Variants in THUMPD3 observed in about 807,000 individuals in gnomAD.
THUMPD3 encodes the protein THUMP domain 3 tRNA guanosine methyltransferase.
A neutral mutation model predicts 54.5 loss-of-function variants in THUMPD3; 44 were observed. The ratio of observed to expected loss-of-function variants is 0.81; its 90% confidence interval spans 0.63 to 1.04. THUMPD3 has a LOEUF of 1.04. Among genes scored for constraint, THUMPD3 ranks in the 50% least tolerant of loss-of-function variants. THUMPD3 has a pLI of 0.00. For synonymous variants in THUMPD3, 196 were observed against 201.4 expected (o/e 0.97, Z 0.23); for missense variants, 604 against 601.3 (o/e 1.00, Z -0.05).
chr3:9,378,447 A>G lies in THUMPD3; in HGVS notation c.1008+559A>G, dbSNP rs534134179. 3.0e-3 allele frequency among the ~76,000 whole-genome samples: 457 copies of G among 152,356 alleles called. 2 individuals are homozygous for G. Among genetic ancestry groups the G allele is most frequent in the South Asian group, 0.02 (95 of 4,826 alleles). On this transcript the variant is annotated intron_variant, in intron 6 of 9. Transcript: ENST00000452837. ...TGGAAAGGCATTTTCTAAATGGAGA[A>G]TATTTCACAGTAGATTCCCCTTGAA...
chr3:9,372,580 C>CAA (rs35718688), intron 4 of THUMPD3, among the ~76,000 whole-genome samples: 1 of 137,390 alleles, frequency 7.3e-6, no homozygotes, highest in Non-Finnish European at 1.6e-5. Context: ...ACTCCATCTC[C>CAA]AAAAAAAAAA....
intron 7 of THUMPD3, 39 bp from the exon 8 acceptor site, chr3:9,383,160 T>C: frequency 7.0e-7 from 1 of 1,425,478 alleles, no homozygotes. Context: ...AACTTTATGC[T>C]TCACAGTATG....
chr3:9,383,172 T>G (rs546088889), intron 7 of THUMPD3, 27 bp from the exon 8 acceptor site: 2 of 1,532,826 alleles, frequency 1.3e-6, no homozygotes, highest in Admixed American at 1.7e-5. Flanking sequence ...CACAGTATGT[T>G]GAAGCACCTT....
chr3:9,374,979 C>T (rs994887716), intron 5 of THUMPD3, among the ~76,000 whole-genome samples: 2 of 152,118 alleles, frequency 1.3e-5, no homozygotes, highest in African/African-American at 2.4e-5. Context: ...CTGTCTCAGC[C>T]GAATAGCTGG....
intron 6 of THUMPD3, among the ~76,000 whole-genome samples, chr3:9,378,914 T>A (rs1407355776): frequency 6.6e-6 from 1 of 151,932 alleles, no homozygotes; most frequent in African/African-American, 2.4e-5. Flanking sequence ...GCAGGTAAGG[T>A]CACCGCATGT....
rs780193108 is a variant in THUMPD3, at chr3:9,366,929, G to T, written c.274G>T (p.Asp92Tyr). 22 of 1,612,846 alleles carry T rather than the reference G, an allele frequency of 1.4e-5. No homozygotes were observed. Among genetic ancestry groups the T allele is most frequent in the Non-Finnish European group, 1.8e-5 (21 of 1,179,624 alleles). ...CCAGGTTCATTGTCTGAGATCAGTT[G>T]ATAACTTATTTGTGGTGGTTCAGGA... is the stretch of plus-strand genomic sequence containing the variant. ...LAQVHCLRSV[D>Y]NLFVVVQEFQ... Residue 92 changes from aspartate (D) to tyrosine (Y), a missense_variant, in exon 3 of 10, where the codon GAT (aspartate) becomes TAT (tyrosine). Coordinates refer to ENST00000452837, the MANE Select transcript of THUMPD3 (RefSeq NM_001114092.2).
chr3:9,377,278 G>A (rs1332050182), intron 5 of THUMPD3, among the ~76,000 whole-genome samples: 1 of 152,008 alleles, frequency 6.6e-6, no homozygotes, highest in Non-Finnish European at 1.5e-5. Flanking sequence ...GAGTGAAATG[G>A]GATTTTGGAA....
chr3:9,379,960 G>A (rs951584933), intron 6 of THUMPD3, among the ~76,000 whole-genome samples: 4 of 152,120 alleles, frequency 2.6e-5, no homozygotes, highest in African/African-American at 9.7e-5. Flanking sequence ...AAAGTGCTGG[G>A]ATTTCAGGTG....
At position 9,371,215 on chromosome 3, in the gene THUMPD3, A is replaced by G; in HGVS notation, c.486A>G (p.Gln162=). ...NSSKEKINNG[Q]EVKIDQRNVK... is the part of the protein sequence containing the mutation. Reference sequence around the variant, plus strand: ...GTAAAGAGAAGATTAATAATGGACAAGAAGTCAAAATCGATCAGAGAAATG... The same window carrying G: ...GTAAAGAGAAGATTAATAATGGACAGGAAGTCAAAATCGATCAGAGAAATG... The change falls in exon 4 of 10, where the codon CAA becomes CAG. Residue 162 remains glutamine (Q), a synonymous_variant. Transcript: ENST00000452837. 6.2e-7 allele frequency: 1 copy of G among 1,611,622 alleles called. No homozygotes were observed. Among genetic ancestry groups the G allele is most frequent in the African/African-American group, 1.3e-5 (1 of 74,840 alleles).
intron 2 of THUMPD3, among the ~76,000 whole-genome samples, chr3:9,366,450 T>A (rs1195040832): frequency 6.6e-6 from 1 of 152,208 alleles, no homozygotes; most frequent in Non-Finnish European, 1.5e-5. Flanking sequence ...CCTCAGCAGC[T>A]TTGTGAAGAT....
rs530420877 is a variant in THUMPD3 at position 9,366,938 on chromosome 3, T to A, written c.283T>A (p.Phe95Ile). ...VHCLRSVDNL[F>I]VVVQEFQDYQ... ...TTGTCTGAGATCAGTTGATAACTTA[T>A]TTGTGGTGGTTCAGGAGTTTCAAGA... Residue 95 changes from phenylalanine (F) to isoleucine (I), a missense_variant, in exon 3 of 10, where the codon TTT (phenylalanine) becomes ATT (isoleucine). Phe to Ile is a conservative substitution (Grantham distance 21, BLOSUM62 0). Coordinates refer to ENST00000452837, the MANE Select transcript of THUMPD3 (RefSeq NM_001114092.2). 6.2e-7 allele frequency: 1 copy of A among 1,613,612 alleles called. No homozygotes were observed. Among genetic ancestry groups the A allele is most frequent in the Non-Finnish European group, 8.5e-7 (1 of 1,179,856 alleles).
chr3:9,368,225 G>C (rs1006170871), intron 3 of THUMPD3, among the ~76,000 whole-genome samples: 1 of 151,806 alleles, frequency 6.6e-6, no homozygotes, highest in Non-Finnish European at 1.5e-5. Flanking sequence ...ATTGAGATGG[G>C]GTCTCACTAT....
intron 8 of THUMPD3, 69 bp from the exon 9 acceptor site, chr3:9,384,140 GTTT>G: frequency 4.6e-6 from 7 of 1,529,344 alleles, no homozygotes; most frequent in Non-Finnish European, 6.2e-6. Flanking sequence ...GCATGAAACT[GTTT>G]TTGTTTCATA....
rs1198804721 is a variant in THUMPD3, at chr3:9,365,088, C to T, written c.20C>T (p.Ala7Val). The change falls in exon 2 of 10, where the codon GCC becomes GTC. Residue 7 changes from alanine (A) to valine (V), a missense_variant. Coordinates refer to ENST00000452837, the MANE Select transcript of THUMPD3 (RefSeq NM_001114092.2). Reference sequence around the variant, plus strand: ...GCCAACATGTGTGACATTGAAGAAGCCACTAACCAACTCCTAGATGTGAAC... The same window carrying T: ...GCCAACATGTGTGACATTGAAGAAGTCACTAACCAACTCCTAGATGTGAAC... MCDIEEATNQLLDVNLH... is the reference protein window; with the variant it reads MCDIEEVTNQLLDVNLH... 3 of 1,614,072 alleles carry T rather than the reference C, an allele frequency of 1.9e-6. No individual in the cohort carries two copies. The highest frequency in any genetic ancestry group is 2.2e-5 in the East Asian group (1 of 44,878).
chr3:9,368,915 C>T (rs1210855615), intron 3 of THUMPD3, among the ~76,000 whole-genome samples: 1 of 152,162 alleles, frequency 6.6e-6, no homozygotes, highest in Non-Finnish European at 1.5e-5. Context: ...GCATAGCATA[C>T]ATACTTTTCT....
intron 8 of THUMPD3, 56 bp downstream of exon 8, chr3:9,383,365 T>G: frequency 1.5e-6 from 2 of 1,375,582 alleles, no homozygotes; most frequent in Non-Finnish European, 2.1e-6. Flanking sequence ...TTCCTTGCGT[T>G]TATTCTAAGT....
intron 6 of THUMPD3, 72 bp downstream of exon 6, chr3:9,377,960 G>C: frequency 1.6e-6 from 2 of 1,245,946 alleles, no homozygotes; most frequent in Non-Finnish European, 1.2e-6. Flanking sequence ...GGGCAAATTA[G>C]ACATAATGAA....
At chr3:9,371,014 T>G in intron 3 of THUMPD3, 46 bp from the exon 4 acceptor site, 1 of 1,420,146 alleles carries the variant, frequency 7.0e-7, no homozygotes, top group Non-Finnish European at 9.5e-7. Context: ...ATTTGTTTGA[T>G]TATAGTGGTG....
At chr3:9,373,575 T>A (rs2032227087) in intron 4 of THUMPD3, among the ~76,000 whole-genome samples, 1 of 152,182 alleles carries the variant, frequency 6.6e-6, no homozygotes. Flanking sequence ...TTAGGGGATG[T>A]GAATATGAGA....
Sources: allele counts gnomAD v4.1 joint callset (sites outside exome capture counted in the v4.1 genomes callset), GRCh38; gene constraint gnomAD v4.1.1; transcripts MANE v1.5; gene names NCBI Gene and HGNC (gene_info 2026-07-23, HGNC 2026-07-21).